Variants in ASPRV1 observed in about 807,000 individuals in gnomAD.
The protein encoded by ASPRV1 is retroviral-like aspartic protease 1.
ASPRV1 carries 7 observed loss-of-function variants against 11.0 expected under a neutral mutation model. The observed-to-expected ratio is 0.64, with a 90% CI of 0.36 to 1.20. ASPRV1 has a LOEUF of 1.20. Among genes scored for constraint, ASPRV1 ranks in the 50% most tolerant of loss-of-function variants. The pLI, the probability that ASPRV1 is intolerant of heterozygous loss-of-function variation, is 0.02. For missense variants in ASPRV1, 299 were observed against 320.0 expected (o/e 0.93, Z 0.50); for synonymous variants, 136 against 138.4 (o/e 0.98, Z 0.12).
chr2:69,953,705 T>C, the ASPRV1 span, among the ~76,000 whole-genome samples: 2 of 140,758 alleles, frequency 1.4e-5, no homozygotes, highest in African/African-American at 5.7e-5. Flanking sequence ...TCTTTTTTTT[T>C]CTTTTTTTTC....
chr2:69,998,635 A>G, the ASPRV1 span, among the ~76,000 whole-genome samples: 192 of 152,120 alleles, frequency 1.3e-3, 1 homozygote, highest in Non-Finnish European at 2.2e-3. Flanking sequence ...AGGCTGAGGC[A>G]GGAGAATGGC....
the ASPRV1 span, among the ~76,000 whole-genome samples, chr2:70,041,273 ATTTC>A: frequency 3.9e-5 from 6 of 152,132 alleles, no homozygotes; most frequent in Admixed American, 3.9e-4. Context: ...AGTCTTAGAG[ATTTC>A]TTTCAGGTGG....
the ASPRV1 span, chr2:70,031,135 C>T: frequency 1.3e-5 from 2 of 152,264 alleles, no homozygotes; most frequent in South Asian, 4.1e-4. Flanking sequence ...CTTCCCCTCA[C>T]CCCACTCCTT....
the ASPRV1 span, chr2:70,081,011 T>G: frequency 6.6e-6 from 1 of 151,972 alleles, no homozygotes; most frequent in African/African-American, 2.4e-5. Flanking sequence ...GCTCAAACAA[T>G]CCTCCTGCCT....
the ASPRV1 span, chr2:70,077,441 T>C: frequency 6.6e-6 from 1 of 152,196 alleles, no homozygotes; most frequent in African/African-American, 2.4e-5. Context: ...AAAAGCAATA[T>C]TCTAAAGTCT....
chr2:70,042,916 C>T, the ASPRV1 span, among the ~76,000 whole-genome samples: 2 of 152,122 alleles, frequency 1.3e-5, no homozygotes, highest in Admixed American at 1.3e-4. Context: ...AAATAAAGTG[C>T]TCCAGACTTA....
chr2:70,084,660 T>C, the ASPRV1 span, among the ~76,000 whole-genome samples: 1 of 152,254 alleles, frequency 6.6e-6, no homozygotes, highest in Non-Finnish European at 1.5e-5. Flanking sequence ...ATTACCCAAG[T>C]ACATATACTG....
the ASPRV1 span, among the ~76,000 whole-genome samples, chr2:69,934,929 T>C: frequency 6.6e-6 from 1 of 152,334 alleles, no homozygotes. Context: ...CCTTGACTTA[T>C]GATGGGGTTA....
the ASPRV1 span, among the ~76,000 whole-genome samples, chr2:69,977,216 G>T: frequency 6.6e-6 from 1 of 152,096 alleles, no homozygotes; most frequent in Non-Finnish European, 1.5e-5. Flanking sequence ...GGGCAAAAAT[G>T]TAGAAATTCA....
the ASPRV1 span, chr2:70,046,640 G>A: frequency 6.6e-6 from 1 of 152,136 alleles, no homozygotes; most frequent in African/African-American, 2.4e-5. Context: ...AGCTCAGGCT[G>A]GGGTCTGAGA....
the ASPRV1 span, among the ~76,000 whole-genome samples, chr2:70,005,206 C>T: frequency 2.0e-5 from 3 of 152,130 alleles, no homozygotes; most frequent in African/African-American, 7.2e-5. Flanking sequence ...ACTACAGGCA[C>T]AAGCTACTAT....
At chr2:69,957,067 A>G (rs943280685), downstream of ASPRV1, among the ~76,000 whole-genome samples, 1 of 152,220 alleles carries the variant, frequency 6.6e-6, no homozygotes, top group Non-Finnish European at 1.5e-5. Flanking sequence ...CTGGGGGCCA[A>G]CAATGTTCTT....
At chr2:69,993,223 CCCTCCGCCACT>C in the ASPRV1 span, among the ~76,000 whole-genome samples, 1 of 152,170 alleles carries the variant, frequency 6.6e-6, no homozygotes, top group East Asian at 1.9e-4. Context: ...ACCTGCCTAC[CCCTCCGCCACT>C]GCTCCACAAA....
the ASPRV1 span, among the ~76,000 whole-genome samples, chr2:70,079,906 G>A: frequency 6.0e-5 from 9 of 149,560 alleles, no homozygotes; most frequent in Admixed American, 1.3e-4. Context: ...GCTCTTAATC[G>A]GGACACAACA....
chr2:70,054,186 G>C, the ASPRV1 span: 1 of 152,190 alleles, frequency 6.6e-6, no homozygotes, highest in East Asian at 1.9e-4. Flanking sequence ...CAGCTAGTCA[G>C]GAGGCTGAGG....
chr2:69,961,223 G>T lies in ASPRV1; in HGVS notation c.214C>A (p.Gln72Lys), dbSNP rs746685284. ...ACAGTCCCATAGTCTCCCTGGTCCT[G>T]GGGACTGAGCCTATTGTAGACACCC... ...ALGVYNRLSPQDQGDYGTVKE... is the reference protein window; with the variant it reads ...ALGVYNRLSPKDQGDYGTVKE... The change falls in exon 1 of 1, where the codon CAG (glutamine) becomes AAG (lysine). Residue 72 changes from glutamine (Q) to lysine (K), a missense_variant. Coordinates refer to ENST00000320256, the MANE Select transcript of ASPRV1 (RefSeq NM_152792.4). The T allele has an allele frequency of 5.6e-6, 9 of 1,613,938 alleles. No homozygotes were observed. Among genetic ancestry groups the T allele is most frequent in the Non-Finnish European group, 7.6e-6 (9 of 1,179,982 alleles).
chr2:70,032,312 TC>T, the ASPRV1 span: 1 of 152,056 alleles, frequency 6.6e-6, no homozygotes, highest in Admixed American at 6.6e-5. Context: ...TTCACTCTGG[TC>T]CTCCCTCAGC....
At chr2:70,027,128 T>C in the ASPRV1 span, among the ~76,000 whole-genome samples, 1 of 151,402 alleles carries the variant, frequency 6.6e-6, no homozygotes, top group Non-Finnish European at 1.5e-5. Context: ...CGTGATGATG[T>C]GCACCTGTAG....
chr2:69,954,990 G>C, the ASPRV1 span, among the ~76,000 whole-genome samples: 1 of 152,198 alleles, frequency 6.6e-6, no homozygotes, highest in African/African-American at 2.4e-5. Flanking sequence ...GGGGGTTACT[G>C]ACCCACAATA....
Sources: gnomAD v4.1 joint callset for allele counts (sites outside exome capture counted in the v4.1 genomes callset) on GRCh38, gnomAD v4.1.1 for gene constraint, MANE v1.5 for transcripts, NCBI Gene and HGNC (gene_info 2026-07-23, HGNC 2026-07-21) for gene names.